SMARCA2: variants seen among roughly 807,000 people sequenced by gnomAD.
SMARCA2 encodes the protein SWI/SNF related BAF chromatin remodeling complex subunit ATPase 2.
Under a neutral mutation model 199.8 loss-of-function variants are expected in SMARCA2, and 61 were observed. The observed-to-expected ratio is 0.31, with a 90% CI of 0.25 to 0.38. The LOEUF (loss-of-function observed/expected upper bound fraction) is 0.38, where lower values mean the gene tolerates loss of function less well. SMARCA2 is among the 10% of genes least tolerant of loss of function. The pLI is 1.00. For synonymous variants in SMARCA2, 935 were observed against 732.0 expected, an observed-to-expected ratio of 1.28 and a Z score of -4.48; for missense variants, 1,344 against 2,012.2, an observed-to-expected ratio of 0.67 and a Z score of 6.35.
At chr9:2,067,326 G>A (rs7874264) in intron 9 of SMARCA2, among the ~76,000 whole-genome samples, 5 of 152,152 alleles carry the variant, frequency 3.3e-5, no homozygotes, top group East Asian at 1.9e-4. Context: ...TTTATTTAGC[G>A]CCTTTTAAGT....
chr9:2,069,545 C>T (rs1469817259), intron 9 of SMARCA2, among the ~76,000 whole-genome samples: 1 of 146,588 alleles, frequency 6.8e-6, no homozygotes, highest in Admixed American at 6.9e-5. Context: ...GGCGACAGAG[C>T]AAGACTCTGT....
chr9:2,023,684 T>G (rs770024450), intron 1 of SMARCA2, among the ~76,000 whole-genome samples: 2 of 152,164 alleles, frequency 1.3e-5, no homozygotes, highest in Non-Finnish European at 2.9e-5. Context: ...TCGGGTAGAT[T>G]TATTTCCTTT....
rs1819590226 is a variant in SMARCA2, at chr9:2,041,215, A to G, written c.790+1315A>G. ...CCAAGAGTAGGCCTACCTAAGAGAT[A>G]TCCTCATCTTATTAATTGTTATAGC... On this transcript the variant is annotated intron_variant, in intron 4 of 33. Coordinates refer to ENST00000349721, the MANE Select transcript of SMARCA2 (RefSeq NM_003070.5). 7.6e-6 allele frequency: 3 copies of G among 397,324 alleles called. No individual in the cohort carries two copies. In the South Asian group the frequency reaches 4.1e-4, roughly 54 times the overall value. 24.6% of individuals were successfully genotyped at this position (397,324 alleles called of 1,614,324 possible). A position where few individuals can be genotyped will look rare whatever the true frequency, so the allele number is the denominator to read the frequency against.
At chr9:2,149,268 A>G (rs937587008) in intron 27 of SMARCA2, among the ~76,000 whole-genome samples, 1 of 151,328 alleles carries the variant, frequency 6.6e-6, no homozygotes, top group Non-Finnish European at 1.5e-5. Context: ...CTGTAATCCA[A>G]GCACTTTGGG....
chr9:2,132,456 T>G (rs1824005012), intron 27 of SMARCA2, among the ~76,000 whole-genome samples: 1 of 151,954 alleles, frequency 6.6e-6, no homozygotes, highest in Non-Finnish European at 1.5e-5. Context: ...GATTTTTTTG[T>G]GGGGGGGGAT....
intron 14 of SMARCA2, among the ~76,000 whole-genome samples, chr9:2,078,371 C>G (rs913555768): frequency 5.9e-5 from 9 of 151,940 alleles, no homozygotes; most frequent in African/African-American, 1.9e-4. Context: ...ACTCTGGAGG[C>G]TGAAGCAGGA....
chr9:2,019,246 C>G, intron 1 of SMARCA2, among the ~76,000 whole-genome samples: 1 of 152,040 alleles, frequency 6.6e-6, no homozygotes, highest in South Asian at 2.1e-4. Flanking sequence ...TGTGGGGTAT[C>G]AGAACCCTTG....
chr9:2,146,842 C>A (rs546092330), intron 27 of SMARCA2, among the ~76,000 whole-genome samples: 1 of 152,254 alleles, frequency 6.6e-6, no homozygotes, highest in South Asian at 2.1e-4. Context: ...AGAGGTCACT[C>A]TCATCACCAT....
At chr9:2,043,907 A>G (rs1249278745) in intron 4 of SMARCA2, 1 of 152,236 alleles carries the variant, frequency 6.6e-6, no homozygotes, top group African/African-American at 2.4e-5. Context: ...AGCAGATGGC[A>G]TTTTGTACCT....
chr9:2,091,217 G>C (rs935136695), intron 19 of SMARCA2, among the ~76,000 whole-genome samples: 6 of 151,974 alleles, frequency 3.9e-5, no homozygotes, highest in African/African-American at 1.5e-4. Flanking sequence ...ATCATCCACC[G>C]CTCCAAAAAA....
chr9:2,078,615 C>A (rs1344121754), intron 14 of SMARCA2, among the ~76,000 whole-genome samples: 1 of 152,068 alleles, frequency 6.6e-6, no homozygotes, highest in Non-Finnish European at 1.5e-5. Context: ...AAATTGTGTT[C>A]CATGAGACAT....
intron 27 of SMARCA2, among the ~76,000 whole-genome samples, chr9:2,132,990 A>G (rs1181878995): frequency 6.6e-6 from 1 of 152,254 alleles, no homozygotes; most frequent in Non-Finnish European, 1.5e-5. Flanking sequence ...AATAAATAAT[A>G]AAGGTTGAGG....
rs1000246209 is a variant in SMARCA2 at position 2,016,030 on chromosome 9, C to T, written c.-37+626C>T. On this transcript the variant is annotated intron_variant, in intron 1 of 33. Transcript: ENST00000349721. The surrounding 1 kb of genome is among the most constrained non-coding windows in gnomAD (Gnocchi z 5.6). ...GGGGCGCCAACGGACGCTGTTGCCA[C>T]CCGCTTCCCAGGGACTTGTTCAAAG... 4 of 152,390 alleles carry T rather than the reference C, an allele frequency of 2.6e-5. No homozygotes were observed. Among genetic ancestry groups the T allele is most frequent in the Admixed American group, 6.5e-5 (1 of 15,292 alleles). 9.4% of individuals were successfully genotyped at this position (152,390 alleles called of 1,614,324 possible). A position where few individuals can be genotyped will look rare whatever the true frequency, so the allele number is the denominator to read the frequency against.
chr9:2,139,671 G>A (rs964754214), intron 27 of SMARCA2, among the ~76,000 whole-genome samples: 5 of 152,144 alleles, frequency 3.3e-5, no homozygotes, highest in African/African-American at 1.2e-4. Context: ...TCCAGGTGGA[G>A]TCAGCTGGTC....
At chr9:2,184,472 C>A (rs1213844866) in intron 31 of SMARCA2, among the ~76,000 whole-genome samples, 1 of 151,590 alleles carries the variant, frequency 6.6e-6, no homozygotes, top group Non-Finnish European at 1.5e-5. Context: ...TCTGCCTCAC[C>A]CTCCCAAGTA....
At chr9:2,101,922 T>G (rs1822534972) in intron 22 of SMARCA2, among the ~76,000 whole-genome samples, 1 of 152,200 alleles carries the variant, frequency 6.6e-6, no homozygotes, top group Admixed American at 6.5e-5. Flanking sequence ...AAAGTATAGC[T>G]TGGGCTTGAA....
At chr9:2,131,176 G>C (rs1823931451) in intron 27 of SMARCA2, among the ~76,000 whole-genome samples, 1 of 152,150 alleles carries the variant, frequency 6.6e-6, no homozygotes, top group African/African-American at 2.4e-5. Context: ...ATGTGCTCTG[G>C]ATAATATGCA....
chr9:2,077,449 T>C (rs550449726), intron 13 of SMARCA2, among the ~76,000 whole-genome samples, 180 bp from the exon 14 acceptor site: 2 of 152,206 alleles, frequency 1.3e-5, no homozygotes, highest in Non-Finnish European at 2.9e-5. Context: ...ATAACGCCTT[T>C]TGTGCTTGCT....
chr9:2,056,917 G>A lies in SMARCA2; in HGVS notation c.1347+72G>A. Reference sequence around the variant, plus strand: ...CCAATGAATTCATCAAATGGGGTCAGAATGACTGAAAAATGGACCCTTGTG... The same window carrying A: ...CCAATGAATTCATCAAATGGGGTCAAAATGACTGAAAAATGGACCCTTGTG... On this transcript the variant is annotated intron_variant, in intron 7 of 33. Coordinates refer to ENST00000349721, the MANE Select transcript of SMARCA2 (RefSeq NM_003070.5). The surrounding 1 kb of genome is among the most constrained non-coding windows in gnomAD (Gnocchi z 4.0). 1 of 1,414,398 alleles carries A rather than the reference G, an allele frequency of 7.1e-7. No homozygotes were observed. 87.6% of individuals were successfully genotyped at this position (1,414,398 alleles called of 1,614,324 possible).
Sources: allele counts gnomAD v4.1 joint callset (sites outside exome capture counted in the v4.1 genomes callset), GRCh38; gene constraint gnomAD v4.1.1; non-coding constraint Gnocchi (gnomAD v3.1); transcripts MANE v1.5; gene names NCBI Gene and HGNC (gene_info 2026-07-23, HGNC 2026-07-21).